Variants in EMID1 observed in about 807,000 individuals in gnomAD.
EMID1 encodes the protein EMI domain containing 1.
A neutral mutation model predicts 60.6 loss-of-function variants in EMID1; 40 were observed. The ratio of observed to expected loss-of-function variants is 0.66; its 90% CI spans 0.51 to 0.86. The LOEUF (loss-of-function observed/expected upper bound fraction) is 0.86. Among genes scored for constraint, EMID1 ranks in the 40% least tolerant of loss-of-function variants. EMID1 has a pLI of 0.00. For missense variants in EMID1, 585 were observed against 597.1 expected (o/e 0.98, Z 0.21); for synonymous variants, 242 against 231.0 (o/e 1.05, Z -0.43).
intron 4 of EMID1, among the ~76,000 whole-genome samples, chr22:29,225,804 G>A (rs1225605710): frequency 6.6e-6 from 1 of 152,246 alleles, no homozygotes; most frequent in African/African-American, 2.4e-5. Flanking sequence ...GAGACTGCTG[G>A]CATAGCACTT....
At chr22:29,256,374 G>A (rs1335814444) in intron 14 of EMID1, among the ~76,000 whole-genome samples, 1 of 147,078 alleles carries the variant, frequency 6.8e-6, no homozygotes, top group African/African-American at 2.5e-5. Flanking sequence ...CTGAGGCGGA[G>A]AATCACTTGA....
chr22:29,250,630 G>A lies in EMID1; in HGVS notation c.1120-3573G>A, dbSNP rs189449898. Among the ~76,000 whole-genome samples, 26 of 148,966 alleles carry A rather than the reference G, an allele frequency of 1.7e-4. No individual in the cohort carries two copies. The East Asian group carries it at 5.2e-3, about 30-fold the overall frequency. On this transcript the variant is annotated intron_variant, in intron 13 of 14. Coordinates refer to ENST00000334018, the MANE Select transcript of EMID1 (RefSeq NM_133455.4). ...TGCCCAGGCTGGAGTGCAATGGCATGAACTCGGCTCACTGCAACCTCTGCC... is the reference window on the plus strand; with the variant it reads ...TGCCCAGGCTGGAGTGCAATGGCATAAACTCGGCTCACTGCAACCTCTGCC...
chr22:29,232,592 G>A, intron 8 of EMID1, 190 bp downstream of exon 8: 4 of 644,780 alleles, frequency 6.2e-6, no homozygotes, highest in Non-Finnish European at 2.5e-6. Context: ...GACCAGAGAG[G>A]GAAGGTGGCT....
chr22:29,209,126 TCCTGCAATTAGCC>T (rs1048425286), intron 1 of EMID1, among the ~76,000 whole-genome samples: 34 of 152,304 alleles, frequency 2.2e-4, no homozygotes, highest in Admixed American at 8.5e-4. Flanking sequence ...CTTGGCTGCC[TCCTGCAATTAGCC>T]CCTATCACTG....
rs541536349 is a variant in EMID1, at chr22:29,234,312, G to C, written c.1037G>C (p.Arg346Pro). The change falls in exon 12 of 15, where the codon CGT (arginine) becomes CCT (proline). Residue 346 changes from arginine to proline, a missense_variant. Arg to Pro is a moderately radical substitution (Grantham distance 103, BLOSUM62 -2). Transcript: ENST00000334018. ...HPGEKGERGL[R>P]GEPGPQGSAG... Reference sequence around the variant, plus strand: ...CTCCTCCCTCTTACACAGGGACTGCGTGGGGAGCCTGGCCCCCAAGGCTCT... The same window carrying C: ...CTCCTCCCTCTTACACAGGGACTGCCTGGGGAGCCTGGCCCCCAAGGCTCT... 6.2e-7 allele frequency: 1 copy of C among 1,614,096 alleles called. No individual in the cohort carries two copies. The highest frequency in any genetic ancestry group is 2.2e-5 in the East Asian group (1 of 44,890).
chr22:29,259,404 G>T lies in EMID1; in HGVS notation c.*460G>T. 5.7e-6 allele frequency: 1 copy of T among 175,264 alleles called. No individual in the cohort carries two copies. The highest frequency in any genetic ancestry group is 1.2e-5 in the Non-Finnish European group (1 of 83,596). 10.9% of individuals were successfully genotyped at this position (175,264 alleles called of 1,614,324 possible). ...GGGCTCCCCACCCCGAGGTCAGGCT[G>T]CCCAATCCTCTGACTGGATCACCGG... is the stretch of plus-strand genomic sequence containing the variant. On this transcript the variant is annotated 3_prime_UTR_variant, in exon 15 of 15. Coordinates refer to ENST00000334018, the MANE Select transcript of EMID1 (RefSeq NM_133455.4).
chr22:29,231,931 C>T, intron 7 of EMID1: 1 of 571,032 alleles, frequency 1.8e-6, no homozygotes, highest in Non-Finnish European at 3.1e-6. Context: ...TGGGGTCAGA[C>T]ATGTCCCTGC....
At chr22:29,217,451 G>A (rs758921833) in intron 3 of EMID1, among the ~76,000 whole-genome samples, 2 of 152,246 alleles carry the variant, frequency 1.3e-5, no homozygotes, top group Non-Finnish European at 2.9e-5. Context: ...GCCTTGGGCC[G>A]GGGACTTCCC....
At chr22:29,215,979 C>G (rs76555061) in intron 3 of EMID1, among the ~76,000 whole-genome samples, 1 of 152,164 alleles carries the variant, frequency 6.6e-6, no homozygotes, top group Non-Finnish European at 1.5e-5. Context: ...AGCAAAGAAC[C>G]ATTTTAGTCA....
intron 10 of EMID1, chr22:29,233,882 G>A (rs2040844045): frequency 3.0e-6 from 2 of 674,274 alleles, no homozygotes; most frequent in South Asian, 2.0e-5. Flanking sequence ...ACCATGTGTG[G>A]TTATCACCTA....
intron 6 of EMID1, 150 bp from the exon 7 acceptor site, chr22:29,231,443 C>G: frequency 1.3e-6 from 1 of 773,830 alleles, no homozygotes; most frequent in Non-Finnish European, 2.0e-6. Flanking sequence ...CCTCTGCCTA[C>G]CCCCCCCACC....
Position 29,259,038 on chromosome 22 carries a change from T to C in EMID1, c.*94T>C. 1 of 1,524,042 alleles carries C rather than the reference T, an allele frequency of 6.6e-7. No individual in the cohort carries two copies. Among genetic ancestry groups the C allele is most frequent in the Non-Finnish European group, 8.8e-7 (1 of 1,136,366 alleles). 94.4% of individuals were successfully genotyped at this position (1,524,042 alleles called of 1,614,324 possible). A position where few individuals can be genotyped will look rare whatever the true frequency, so the allele number is the denominator to read the frequency against. On this transcript the variant is annotated 3_prime_UTR_variant, in exon 15 of 15. Coordinates refer to ENST00000334018, the MANE Select transcript of EMID1 (RefSeq NM_133455.4). Reference sequence around the variant, plus strand: ...CCAGGGACCGCCCGTCCATATTTATTAATGTCCTCAGGGTCCCTTCTGCCA... The same window carrying C: ...CCAGGGACCGCCCGTCCATATTTATCAATGTCCTCAGGGTCCCTTCTGCCA...
chr22:29,247,256 C>A (rs1435633778), intron 13 of EMID1, among the ~76,000 whole-genome samples: 1 of 152,184 alleles, frequency 6.6e-6, no homozygotes, highest in Non-Finnish European at 1.5e-5. Flanking sequence ...CAGGTGTGAA[C>A]CACTGCACCC....
At chr22:29,228,789 T>A (rs2040623606) in intron 5 of EMID1, among the ~76,000 whole-genome samples, 1 of 151,874 alleles carries the variant, frequency 6.6e-6, no homozygotes, top group South Asian at 2.1e-4. Flanking sequence ...AGAGCTGGGG[T>A]CTTGCTATGT....
At chr22:29,233,281 C>T in intron 8 of EMID1, 98 bp from the exon 9 acceptor site, 1 of 1,319,830 alleles carries the variant, frequency 7.6e-7, no homozygotes, top group Admixed American at 1.7e-5. Flanking sequence ...GCAGGCTGCC[C>T]CATAGGGCAG....
At chr22:29,218,711 T>C (rs927741277) in intron 3 of EMID1, among the ~76,000 whole-genome samples, 4 of 152,306 alleles carry the variant, frequency 2.6e-5, no homozygotes, top group African/African-American at 9.6e-5. Flanking sequence ...ACAATCACCT[T>C]TTCTGGGCCT....
intron 8 of EMID1, chr22:29,232,753 G>A (rs760321689): frequency 2.9e-4 from 64 of 221,026 alleles, no homozygotes; most frequent in Admixed American, 5.2e-4. Flanking sequence ...CAAAAGACCC[G>A]GCGGCAGGAA....
rs35728607 is a variant in EMID1 at position 29,230,336 on chromosome 22, G to GA, written c.466-672dup. Among the ~76,000 whole-genome samples the GA allele has an allele frequency of 7.1e-4, 104 of 147,336 alleles. No individual in the cohort carries two copies. The East Asian group carries it at 7.3e-3, about 10-fold the overall frequency. Reference sequence around the variant, plus strand: ...CAACAGAGCAAGGCTCTCCATCTTGGAAAAAAAAAAAACAAAAAAACAAAC... The same window carrying GA: ...CAACAGAGCAAGGCTCTCCATCTTGGAAAAAAAAAAAAACAAAAAAACAAAC... On this transcript the variant is annotated intron_variant, in intron 5 of 14. Coordinates refer to ENST00000334018, the MANE Select transcript of EMID1 (RefSeq NM_133455.4).
chr22:29,230,602 C>G (rs1320008743), intron 5 of EMID1, among the ~76,000 whole-genome samples: 1 of 152,220 alleles, frequency 6.6e-6, no homozygotes, highest in Non-Finnish European at 1.5e-5. Flanking sequence ...TGGGGCTCCA[C>G]TCCAAGCTGG....
Sources: gnomAD v4.1 joint callset for allele counts (sites outside exome capture counted in the v4.1 genomes callset) on GRCh38, gnomAD v4.1.1 for gene constraint, MANE v1.5 for transcripts, NCBI Gene and HGNC (gene_info 2026-07-23, HGNC 2026-07-21) for gene names.